The following PTPRD variants were observed in gnomAD, a reference collection of about 807,000 sequenced individuals.
The protein encoded by PTPRD is receptor-type tyrosine-protein phosphatase delta.
In PTPRD, 34 loss-of-function variants were observed where a neutral mutation model predicts 214.5. That is an observed-to-expected ratio of 0.16 (90% CI 0.12 to 0.21). The LOEUF (loss-of-function observed/expected upper bound fraction) is 0.21, where lower values mean the gene tolerates loss of function less well. Among genes scored for constraint, PTPRD ranks in the 10% least tolerant of loss-of-function variants. The pLI, the probability that PTPRD is intolerant of heterozygous loss-of-function variation, is 1.00. For synonymous variants in PTPRD, 1,128 were observed against 845.7 expected (o/e 1.33, Z -5.79); for missense variants, 2,545 against 2,398.7 (o/e 1.06, Z -1.27).
chr9:8,417,973 T>G lies in PTPRD; in HGVS notation c.4087-13313A>C, dbSNP rs537776654. Among the ~76,000 whole-genome samples the G allele has an allele frequency of 3.9e-5, 6 of 152,296 alleles. No homozygotes were observed. The South Asian group carries it at 1.2e-3, about 32-fold the overall frequency. ...ATGCCTATTGCACTCTGTGTCTACA[T>G]TTGACTTATTTTGTATTATGTTGCT... On this transcript the variant is annotated intron_variant, in intron 35 of 45. Coordinates refer to ENST00000381196, the MANE Select transcript of PTPRD (RefSeq NM_002839.4).
intron 39 of PTPRD, among the ~76,000 whole-genome samples, chr9:8,350,506 A>G (rs1321930514): frequency 1.3e-5 from 2 of 152,200 alleles, no homozygotes; most frequent in Non-Finnish European, 2.9e-5. Context: ...ACTCAGGTTT[A>G]TAAGATTAAT....
intron 2 of PTPRD, among the ~76,000 whole-genome samples, chr9:10,516,727 T>A (rs1424359379): frequency 6.6e-6 from 1 of 152,020 alleles, no homozygotes; most frequent in Non-Finnish European, 1.5e-5. Flanking sequence ...AACCCTTTAA[T>A]TCCTTTTCAG....
chr9:8,957,522 A>G (rs1330491288), intron 11 of PTPRD, among the ~76,000 whole-genome samples: 1 of 151,846 alleles, frequency 6.6e-6, no homozygotes, highest in Non-Finnish European at 1.5e-5. Flanking sequence ...TCAACCATGC[A>G]AGCACCCTCT....
rs149482753 is a variant in PTPRD at position 10,284,991 on chromosome 9, G to A, written c.-545+55972C>T. Among the ~76,000 whole-genome samples, 434 of 152,226 alleles carry A rather than the reference G, an allele frequency of 2.9e-3. 3 individuals are homozygous for A. The highest frequency in any genetic ancestry group is 1.0e-2 in the African/African-American group (414 of 41,528). On this transcript the variant is annotated intron_variant, in intron 3 of 45. Transcript: ENST00000381196. ...TTCATTTTGGACACTATTCCAAATG[G>A]TATGAATGTTTAATTTTAACTGCTA...
chr9:8,614,979 T>C (rs546698112), intron 14 of PTPRD, among the ~76,000 whole-genome samples: 64 of 152,292 alleles, frequency 4.2e-4, no homozygotes, highest in African/African-American at 1.5e-3. Flanking sequence ...ACTTCTTTGC[T>C]CCTTCTTTTG....
chr9:8,908,312 G>GA (rs1405792879), intron 11 of PTPRD, among the ~76,000 whole-genome samples: 4 of 152,086 alleles, frequency 2.6e-5, no homozygotes, highest in African/African-American at 9.7e-5. Context: ...TCATCAGGCT[G>GA]AAAGAAAATG....
At chr9:9,705,714 G>C (rs1024501205) in intron 7 of PTPRD, among the ~76,000 whole-genome samples, 1 of 151,958 alleles carries the variant, frequency 6.6e-6, no homozygotes, top group African/African-American at 2.4e-5. Flanking sequence ...ACCTTAACCA[G>C]TTTTGTCATA....
chr9:9,648,764 T>C (rs2096261216), intron 7 of PTPRD, among the ~76,000 whole-genome samples: 1 of 152,204 alleles, frequency 6.6e-6, no homozygotes, highest in Non-Finnish European at 1.5e-5. Context: ...CGTAATGTTC[T>C]TATATTGTAT....
chr9:10,284,538 T>C (rs966891307), intron 3 of PTPRD, among the ~76,000 whole-genome samples: 1 of 152,214 alleles, frequency 6.6e-6, no homozygotes, highest in East Asian at 1.9e-4. Context: ...CTGTAGAAAA[T>C]TACTACAAAC....
intron 9 of PTPRD, among the ~76,000 whole-genome samples, chr9:9,380,079 C>A (rs979230678): frequency 3.9e-5 from 6 of 151,944 alleles, no homozygotes; most frequent in African/African-American, 9.7e-5. Context: ...GATAGGGAAT[C>A]CTTTCTTAGT....
chr9:8,507,987 A>G (rs2097576308), intron 21 of PTPRD, among the ~76,000 whole-genome samples: 1 of 152,172 alleles, frequency 6.6e-6, no homozygotes, highest in Non-Finnish European at 1.5e-5. Context: ...AAGAGGTGTA[A>G]GAAAGGAAAA....
chr9:9,965,479 A>T (rs1011786785), intron 4 of PTPRD, among the ~76,000 whole-genome samples: 5 of 152,180 alleles, frequency 3.3e-5, no homozygotes, highest in African/African-American at 1.2e-4. Flanking sequence ...ATAATGTTAG[A>T]CAATGAGATT....
At chr9:10,414,379 C>T (rs2098467292) in intron 2 of PTPRD, among the ~76,000 whole-genome samples, 1 of 151,806 alleles carries the variant, frequency 6.6e-6, no homozygotes, top group African/African-American at 2.4e-5. Context: ...AAATCAAAAC[C>T]ACAGTGAGAT....
chr9:8,331,528 A>T (rs2131625435), intron 44 of PTPRD, 54 bp downstream of exon 44: 1 of 1,577,110 alleles, frequency 6.3e-7, no homozygotes. Flanking sequence ...GTGTATACAG[A>T]CAATGAAGAA....
At chr9:10,266,212 A>C (rs2094045182) in intron 3 of PTPRD, among the ~76,000 whole-genome samples, 2 of 152,126 alleles carry the variant, frequency 1.3e-5, no homozygotes, top group Admixed American at 1.3e-4. Context: ...AAAATGCATT[A>C]CAGTTGCTAA....
At chr9:9,291,733 T>C (rs1360831994) in intron 9 of PTPRD, among the ~76,000 whole-genome samples, 2 of 151,066 alleles carry the variant, frequency 1.3e-5, no homozygotes, top group African/African-American at 4.8e-5. Context: ...TTTCAAAATG[T>C]CAAAACATGT....
intron 3 of PTPRD, among the ~76,000 whole-genome samples, chr9:10,129,279 G>C (rs558825782): frequency 5.0e-4 from 76 of 152,142 alleles, no homozygotes; most frequent in Middle Eastern, 3.4e-3. Flanking sequence ...CATACTAATG[G>C]CATGTACGGA....
At chr9:10,290,041 A>T (rs1565068989) in intron 3 of PTPRD, among the ~76,000 whole-genome samples, 1 of 152,160 alleles carries the variant, frequency 6.6e-6, no homozygotes, top group South Asian at 2.1e-4. Flanking sequence ...AATTAAAATA[A>T]CAAAGAAAAT....
At chr9:10,438,278 A>C (rs1000992183) in intron 2 of PTPRD, among the ~76,000 whole-genome samples, 31 of 151,526 alleles carry the variant, frequency 2.0e-4, no homozygotes, top group African/African-American at 7.0e-4. Flanking sequence ...TCGTGTGTCA[A>C]GGAGCATCTG....
Sources: gnomAD v4.1 joint callset for allele counts (sites outside exome capture counted in the v4.1 genomes callset) on GRCh38, gnomAD v4.1.1 for gene constraint, MANE v1.5 for transcripts, NCBI Gene and HGNC (gene_info 2026-07-23, HGNC 2026-07-21) for gene names.